AR: variants seen among roughly 807,000 people sequenced by gnomAD.
The protein encoded by AR is dihydrotestosterone receptor.
Under a neutral mutation model 53.9 loss-of-function variants are expected in AR, and 8 were observed. That is an observed-to-expected ratio of 0.15 (90% CI 0.09 to 0.27). AR has a LOEUF of 0.27. Among genes scored for constraint, AR ranks in the 10% least tolerant of loss-of-function variants. The pLI, the probability that AR is intolerant of heterozygous loss-of-function variation, is 1.00. For synonymous variants in AR, 359 were observed against 316.4 expected, an observed-to-expected ratio of 1.13 and a Z score of -1.43; for missense variants, 639 against 742.5, an observed-to-expected ratio of 0.86 and a Z score of 1.62.
At chrX:67,626,662 G>A (rs1435112006) in intron 1 of AR, among the ~76,000 whole-genome samples, 5 of 99,538 alleles carry the variant, frequency 5.0e-5, no homozygotes, top group Non-Finnish European at 8.0e-5. Flanking sequence ...TTAAGTTTTA[G>A]GGTACATGTG....
At chrX:67,596,282 T>C (rs1181684741) in intron 1 of AR, among the ~76,000 whole-genome samples, 3 of 110,083 alleles carry the variant, frequency 2.7e-5, no homozygotes, top group African/African-American at 6.6e-5. Flanking sequence ...AAGTATTCTT[T>C]ATAGCAAGGC....
rs1337075 is a variant in AR at position 67,689,581 on chromosome X, C to T, written c.1885+3455C>T. 0.012 allele frequency: 11,241 copies of T among 962,744 alleles called. 836 individuals are homozygous for T. The African/African-American group carries it at 0.2, about 18-fold the overall frequency. 79.3% of individuals were successfully genotyped at this position (962,744 alleles called of 1,213,427 possible). On this transcript the variant is annotated intron_variant, in intron 3 of 7. Coordinates refer to ENST00000374690, the MANE Select transcript of AR (RefSeq NM_000044.6). ...CAGCTGTTGTTGTTTCTGAAAGAAT[C>T]TTGAGGGTGTTTGGAGTCTCAGAAT...
chrX:67,677,643 A>G (rs1352882970), intron 2 of AR, among the ~76,000 whole-genome samples: 1 of 111,893 alleles, frequency 8.9e-6, no homozygotes, highest in Non-Finnish European at 1.9e-5. Context: ...GAGATAATAA[A>G]TATGGAAATG....
intron 1 of AR, among the ~76,000 whole-genome samples, chrX:67,603,410 C>CA (rs1399341058): frequency 2.7e-5 from 3 of 111,459 alleles, no homozygotes; most frequent in Non-Finnish European, 5.6e-5. Flanking sequence ...TTGAGATTGA[C>CA]AAAATTTGGT....
At chrX:67,721,590 T>TGGCTA (rs1410842409) in intron 5 of AR, among the ~76,000 whole-genome samples, 2 of 111,209 alleles carry the variant, frequency 1.8e-5, no homozygotes, top group South Asian at 7.8e-4. Flanking sequence ...TGCTAACCCA[T>TGGCTA]ATCCTGGCCA....
At chrX:67,580,342 A>G (rs912628514) in intron 1 of AR, among the ~76,000 whole-genome samples, 1 of 111,884 alleles carries the variant, frequency 8.9e-6, no homozygotes. Context: ...TCTACAAATA[A>G]TAATCTGTTG....
At chrX:67,722,135 A>G (rs1024419771) in intron 6 of AR, 172 bp downstream of exon 6, 12 of 604,164 alleles carry the variant, frequency 2.0e-5, no homozygotes, top group Non-Finnish European at 3.1e-5. Flanking sequence ...CCTAACAAGA[A>G]ACAATTTCAT....
At position 67,728,056 on chromosome X, in the gene AR, C is replaced by T. The variant is rs926637524; in HGVS notation, c.*4215C>T. The T allele has an allele frequency of 8.1e-5, 14 of 172,200 alleles. No individual in the cohort carries two copies. The highest frequency in any genetic ancestry group is 1.3e-4 in the Non-Finnish European group (12 of 90,763). The allele number at this position is 172,200 out of a possible 1,213,427, so 14.2% of individuals were successfully genotyped here. On this transcript the variant is annotated 3_prime_UTR_variant, in exon 8 of 8. Coordinates refer to ENST00000374690, the MANE Select transcript of AR (RefSeq NM_000044.6). ...TTATATAACCAAAGATTACATTGTA[C>T]CTGCTAAGATACCAAAATTCATAAG...
At chrX:67,673,632 T>C (rs1200712841) in intron 2 of AR, among the ~76,000 whole-genome samples, 1 of 110,927 alleles carries the variant, frequency 9.0e-6, no homozygotes, top group Non-Finnish European at 1.9e-5. Context: ...CTGCTTATTT[T>C]TTTTTAGATT....
In AR at chrX:67,663,351, C is replaced by A. The variant is rs762835250; in HGVS notation, c.1768+19944C>A. On this transcript the variant is annotated intron_variant, in intron 2 of 7. Transcript: ENST00000374690. ...ACAAAATTTCTCAGCATTTGCTTGT[C>A]TGTAAAGGATTTTATTTCTCCTTCA... Among the ~76,000 whole-genome samples the A allele has an allele frequency of 5.0e-4, 56 of 111,932 alleles. 2 individuals carry two copies. The highest frequency in any genetic ancestry group is 9.8e-4 in the Non-Finnish European group (52 of 53,242).
chrX:67,596,257 A>C (rs999545525), intron 1 of AR, among the ~76,000 whole-genome samples: 1 of 108,250 alleles, frequency 9.2e-6, no homozygotes, highest in Non-Finnish European at 1.9e-5. Flanking sequence ...TTTTTTTTAT[A>C]AATTACCCAG....
rs968524038 is a variant in AR, at chrX:67,724,838, T to C, written c.*997T>C. 1 of 173,356 alleles carries C rather than the reference T, an allele frequency of 5.8e-6. No homozygotes were observed. The highest frequency in any genetic ancestry group is 3.0e-5 in the African/African-American group (1 of 33,613). 14.3% of individuals were successfully genotyped at this position (173,356 alleles called of 1,213,427 possible). A position where few individuals can be genotyped will look rare whatever the true frequency, so the allele number is the denominator to read the frequency against. ...AAACTTGGCGACTTCCACAGAAAAG[T>C]CTGACCACTGAGAAGAAGGAGAGCA... On this transcript the variant is annotated 3_prime_UTR_variant, in exon 8 of 8. Transcript: ENST00000374690.
chrX:67,693,681 G>A (rs2076006239), intron 3 of AR, among the ~76,000 whole-genome samples: 1 of 111,677 alleles, frequency 9.0e-6, no homozygotes, highest in African/African-American at 3.3e-5. Context: ...AATCGGTAGA[G>A]CCTTCAGCTC....
chrX:67,545,033 G>T lies in AR; in HGVS notation c.-114G>T, dbSNP rs1261203497. The T allele has an allele frequency of 9.5e-7, 1 of 1,049,014 alleles. No individual in the cohort carries two copies. Among genetic ancestry groups the T allele is most frequent in the East Asian group, 3.3e-5 (1 of 29,888 alleles). The allele number at this position is 1,049,014 out of a possible 1,213,427, so 86.5% of individuals were successfully genotyped here. A position where few individuals can be genotyped will look rare whatever the true frequency, so the allele number is the denominator to read the frequency against. On this transcript the variant is annotated 5_prime_UTR_variant, in exon 1 of 8. Transcript: ENST00000374690. ...TTTCCTTCTCTGGAGCTTCCCGCAG[G>T]TGGGCAGCTAGCTGCAGCGACTACC...
intron 1 of AR, among the ~76,000 whole-genome samples, chrX:67,586,204 GCCTCTTCCA>G (rs751875062): frequency 1.3e-4 from 14 of 111,876 alleles, no homozygotes; most frequent in African/African-American, 4.5e-4. Context: ...GGAGATGACA[GCCTCTTCCA>G]CCTCCATATA....
chrX:67,723,983 A>T lies in AR; in HGVS notation c.*142A>T. 1 of 846,480 alleles carries T rather than the reference A, an allele frequency of 1.2e-6. No individual in the cohort carries two copies. Among genetic ancestry groups the T allele is most frequent in the Non-Finnish European group, 1.7e-6 (1 of 602,242 alleles). The allele number at this position is 846,480 out of a possible 1,213,427, so 69.8% of individuals were successfully genotyped here. On this transcript the variant is annotated 3_prime_UTR_variant, in exon 8 of 8. Coordinates refer to ENST00000374690, the MANE Select transcript of AR (RefSeq NM_000044.6). ...ACAGTCTGTCATGAACATGTTCCTG[A>T]ATTCTATTTGCTGGGCTTTTTTTTT... is the stretch of plus-strand genomic sequence containing the variant.
intron 1 of AR, among the ~76,000 whole-genome samples, chrX:67,594,819 C>T (rs983672973): frequency 6.3e-5 from 7 of 111,190 alleles, no homozygotes; most frequent in Non-Finnish European, 9.4e-5. Context: ...CGTTGTGGTA[C>T]GCACCTGTAG....
intron 1 of AR, among the ~76,000 whole-genome samples, chrX:67,579,420 G>C (rs1167966032): frequency 9.0e-6 from 1 of 111,319 alleles, no homozygotes. Flanking sequence ...CAATTTGCAA[G>C]GCTACTTTGT....
At chrX:67,651,744 A>C (rs764326080) in intron 2 of AR, among the ~76,000 whole-genome samples, 4 of 111,941 alleles carry the variant, frequency 3.6e-5, no homozygotes, top group African/African-American at 1.3e-4. Context: ...TTCCTAAGAA[A>C]ATTCCAAGCA....
Sources: gnomAD v4.1 joint callset for allele counts (sites outside exome capture counted in the v4.1 genomes callset) on GRCh38, gnomAD v4.1.1 for gene constraint, MANE v1.5 for transcripts, NCBI Gene and HGNC (gene_info 2026-07-23, HGNC 2026-07-21) for gene names.